PTPRD: variants seen among roughly 807,000 people sequenced by gnomAD.
PTPRD encodes the protein receptor-type tyrosine-protein phosphatase delta.
In PTPRD, 34 loss-of-function variants were observed where a neutral mutation model predicts 214.5. The ratio of observed to expected loss-of-function variants is 0.16; its 90% CI spans 0.12 to 0.21. The LOEUF is 0.21. PTPRD is among the 10% of genes least tolerant of loss of function. PTPRD has a pLI of 1.00. For synonymous variants in PTPRD, 1,128 were observed against 845.7 expected (o/e 1.33, Z -5.79); for missense variants, 2,545 against 2,398.7 (o/e 1.06, Z -1.27).
chr9:9,532,890 T>A (rs914925935), intron 8 of PTPRD, among the ~76,000 whole-genome samples: 45 of 152,252 alleles, frequency 3.0e-4, no homozygotes, highest in African/African-American at 1.1e-3. Context: ...TACTGAAACC[T>A]CTCTTAAAAT....
At chr9:9,387,778 G>A (rs953013560) in intron 9 of PTPRD, among the ~76,000 whole-genome samples, 2 of 152,134 alleles carry the variant, frequency 1.3e-5, no homozygotes, top group African/African-American at 4.8e-5. Flanking sequence ...CAATCCTCTA[G>A]GGGAGCATAC....
chr9:9,398,924 C>A (rs978386795), intron 8 of PTPRD, among the ~76,000 whole-genome samples: 1 of 151,968 alleles, frequency 6.6e-6, no homozygotes, highest in South Asian at 2.1e-4. Context: ...ATTTTATACT[C>A]CTAGCCAACT....
intron 10 of PTPRD, among the ~76,000 whole-genome samples, chr9:9,056,753 A>T (rs2099696974): frequency 6.6e-6 from 1 of 152,246 alleles, no homozygotes; most frequent in East Asian, 1.9e-4. Flanking sequence ...GTAGGCCTGT[A>T]CACTTTGCTG....
chr9:9,440,166 G>T (rs1237436792), intron 8 of PTPRD, among the ~76,000 whole-genome samples: 53 of 152,266 alleles, frequency 3.5e-4, no homozygotes, highest in Non-Finnish European at 5.9e-5. Flanking sequence ...ATCTCATGGA[G>T]GATAGAAGTA....
At chr9:9,323,006 T>C (rs1967344936) in intron 9 of PTPRD, among the ~76,000 whole-genome samples, 1 of 152,162 alleles carries the variant, frequency 6.6e-6, no homozygotes, top group South Asian at 2.1e-4. Flanking sequence ...AAATTACTAG[T>C]GCTAGTCTGA....
At chr9:10,330,907 T>C (rs933186768) in intron 3 of PTPRD, among the ~76,000 whole-genome samples, 1 of 151,834 alleles carries the variant, frequency 6.6e-6, no homozygotes, top group African/African-American at 2.4e-5. Context: ...CTCTTGCAGG[T>C]CATCTATACC....
At chr9:9,322,503 T>C (rs7039887) in intron 9 of PTPRD, among the ~76,000 whole-genome samples, 1 of 151,972 alleles carries the variant, frequency 6.6e-6, no homozygotes, top group South Asian at 2.1e-4. Context: ...CACTATACCA[T>C]GCTACTTCTC....
chr9:10,488,108 C>G (rs1385433268), intron 2 of PTPRD, among the ~76,000 whole-genome samples: 1 of 151,808 alleles, frequency 6.6e-6, no homozygotes, highest in Non-Finnish European at 1.5e-5. Flanking sequence ...TGGCTCGCGC[C>G]TGTAATCCTA....
chr9:9,608,793 T>A (rs1219518283), intron 7 of PTPRD, among the ~76,000 whole-genome samples: 2 of 152,254 alleles, frequency 1.3e-5, no homozygotes, highest in Non-Finnish European at 2.9e-5. Context: ...AAGAGTTAGA[T>A]TTAGCAGGGT....
chr9:9,250,896 T>A (rs557157620), intron 9 of PTPRD, among the ~76,000 whole-genome samples: 1 of 152,232 alleles, frequency 6.6e-6, no homozygotes, highest in Admixed American at 6.5e-5. Flanking sequence ...TCTTTATCTT[T>A]ATCCTTGGAT....
intron 4 of PTPRD, among the ~76,000 whole-genome samples, chr9:10,013,529 G>A (rs1174196363): frequency 6.6e-6 from 1 of 150,638 alleles, no homozygotes; most frequent in Non-Finnish European, 1.5e-5. Context: ...TAATTTCAGA[G>A]GTAAAGTCAG....
intron 4 of PTPRD, among the ~76,000 whole-genome samples, chr9:9,990,102 C>G (rs1221306338): frequency 1.3e-5 from 2 of 152,164 alleles, no homozygotes; most frequent in Non-Finnish European, 2.9e-5. Context: ...GGAGAGGATT[C>G]AACCATCTCT....
rs1188710588 is a variant in PTPRD at position 10,060,796 on chromosome 9, CT to C, written c.-544-27007del. Among the ~76,000 whole-genome samples, 13 of 125,996 alleles carry C rather than the reference CT, an allele frequency of 1.0e-4. 1 individual carries two copies. Among genetic ancestry groups the C allele is most frequent in the African/African-American group, 1.0e-4 (2 of 19,652 alleles). The allele number at this position is 125,996 out of a possible 152,430, so 82.7% of individuals were successfully genotyped here. A position where few individuals can be genotyped will look rare whatever the true frequency, so the allele number is the denominator to read the frequency against. On this transcript the variant is annotated intron_variant, in intron 3 of 45. Coordinates refer to ENST00000381196, the MANE Select transcript of PTPRD (RefSeq NM_002839.4). ...CTTGCTTTTCTTTCTTTCTTTCTTT[CT>C]TTCTTCCTTTCTTTCTTTCTTTCTT...
At chr9:8,954,223 C>T (rs1185108061) in intron 11 of PTPRD, among the ~76,000 whole-genome samples, 1 of 151,872 alleles carries the variant, frequency 6.6e-6, no homozygotes, top group African/African-American at 2.4e-5. Context: ...GGCCATTATC[C>T]TAAGTGAACT....
chr9:9,386,178 C>T (rs1424147079), intron 9 of PTPRD, among the ~76,000 whole-genome samples: 1 of 152,090 alleles, frequency 6.6e-6, no homozygotes, highest in African/African-American at 2.4e-5. Context: ...TATATGTTTC[C>T]AATGACATGC....
Position 10,516,291 on chromosome 9 carries a change from T to C in PTPRD, c.-600+96107A>G, listed in dbSNP as rs1335369946. 3.3e-5 allele frequency among the ~76,000 whole-genome samples: 5 copies of C among 152,020 alleles called. No individual in the cohort carries two copies. In the East Asian group the frequency reaches 5.8e-4, roughly 18 times the overall value. On this transcript the variant is annotated intron_variant, in intron 2 of 45. Transcript: ENST00000381196. ...CTAACTGGCATGAGGTGATATCTCA[T>C]TGTGGTTTTGATTTGCACTTCTTGA...
intron 8 of PTPRD, among the ~76,000 whole-genome samples, chr9:9,460,040 A>G (rs2145833948): frequency 6.6e-6 from 1 of 152,200 alleles, no homozygotes; most frequent in African/African-American, 2.4e-5. Flanking sequence ...AAATACAGCC[A>G]CATACCTACA....
intron 5 of PTPRD, among the ~76,000 whole-genome samples, chr9:9,921,060 T>C (rs566282375): frequency 1.3e-5 from 2 of 152,210 alleles, no homozygotes; most frequent in African/African-American, 4.8e-5. Context: ...AAGGACAGCC[T>C]TTTACAGTTC....
rs144160529 is a variant in PTPRD, at chr9:10,488,722, C to T, written c.-600+123676G>A. ...CCCCTTTCCAAAGGCAGAGAACTCT[C>T]ATCAACGGCCACCGCCACCACAGGC... On this transcript the variant is annotated intron_variant, in intron 2 of 45. Transcript: ENST00000381196. Among the ~76,000 whole-genome samples the T allele has an allele frequency of 4.1e-4, 62 of 152,272 alleles. 1 individual carries two copies. The East Asian group carries it at 0.012, about 30-fold the overall frequency.
Sources: allele counts gnomAD v4.1 joint callset (sites outside exome capture counted in the v4.1 genomes callset), GRCh38; gene constraint gnomAD v4.1.1; transcripts MANE v1.5; gene names NCBI Gene and HGNC (gene_info 2026-07-23, HGNC 2026-07-21).